The following CUX1 variants were observed in gnomAD, a reference collection of about 807,000 sequenced individuals.
CUX1 encodes the protein cut like homeobox 1.
In CUX1, 31 loss-of-function variants were observed where a neutral mutation model predicts 158.8. That is an observed-to-expected ratio of 0.20 (90% confidence interval 0.15 to 0.26). The LOEUF (loss-of-function observed/expected upper bound fraction) is 0.26, where lower values mean the gene tolerates loss of function less well. CUX1 is among the 10% of genes least tolerant of loss of function. The pLI is 1.00. For missense variants in CUX1, 1,589 were observed against 2,014.6 expected, an observed-to-expected ratio of 0.79 and a Z score of 4.04; for synonymous variants, 879 against 862.1, an observed-to-expected ratio of 1.02 and a Z score of -0.34.
intron 5 of CUX1, among the ~76,000 whole-genome samples, chr7:102,102,464 A>G (rs1829885313): frequency 6.9e-6 from 1 of 143,988 alleles, no homozygotes. Flanking sequence ...GCTTGTATGC[A>G]CTAAGCCGCG....
At chr7:102,027,787 A>G (rs1027161938) in intron 2 of CUX1, among the ~76,000 whole-genome samples, 1 of 152,216 alleles carries the variant, frequency 6.6e-6, no homozygotes, top group East Asian at 1.9e-4. Flanking sequence ...ACTCTAGCCC[A>G]GGAGGCAGAG....
intron 1 of CUX1, among the ~76,000 whole-genome samples, chr7:101,833,157 G>T (rs1794246977): frequency 6.6e-6 from 1 of 151,926 alleles, no homozygotes; most frequent in African/African-American, 2.4e-5. Context: ...CCAACACTTT[G>T]GGAGGCTGAG....
chr7:102,107,288 C>G (rs993866342), intron 6 of CUX1, among the ~76,000 whole-genome samples: 3 of 152,124 alleles, frequency 2.0e-5, no homozygotes, highest in African/African-American at 7.2e-5. Flanking sequence ...CCTGTAATCC[C>G]AGCACTTTGG....
chr7:102,165,793 C>T (rs2131633831), intron 9 of CUX1, among the ~76,000 whole-genome samples: 1 of 152,246 alleles, frequency 6.6e-6, no homozygotes, highest in East Asian at 1.9e-4. Context: ...GGCTCTCCTT[C>T]CCCAAATCAC....
intron 2 of CUX1, among the ~76,000 whole-genome samples, chr7:102,010,743 C>T (rs1039264651): frequency 2.0e-5 from 3 of 152,184 alleles, no homozygotes; most frequent in Admixed American, 1.3e-4. Flanking sequence ...TGCCGGCGGG[C>T]GTGAGGACCA....
chr7:102,068,334 C>G (rs1825774266), intron 3 of CUX1, among the ~76,000 whole-genome samples: 1 of 152,086 alleles, frequency 6.6e-6, no homozygotes, highest in African/African-American at 2.4e-5. Flanking sequence ...CCAGGCTGGT[C>G]TTGAACTCCC....
rs1801531332 is a variant in CUX1, at chr7:102,251,753, G to C, written c.*2711G>C. 1.0e-6 allele frequency: 1 copy of C among 985,248 alleles called. No individual in the cohort carries two copies. The highest frequency in any genetic ancestry group is 1.2e-6 in the Non-Finnish European group (1 of 829,928). 61.0% of individuals were successfully genotyped at this position (985,248 alleles called of 1,614,324 possible). ...AGGGACTTTTGTCATCATGTGTGAT[G>C]AATCTTTAAATATCGTCTAATTTTC... On this transcript the variant is annotated 3_prime_UTR_variant, in exon 24 of 24. Transcript: ENST00000292535.
At chr7:102,062,462 A>C (rs1824997994) in intron 3 of CUX1, among the ~76,000 whole-genome samples, 1 of 152,216 alleles carries the variant, frequency 6.6e-6, no homozygotes, top group Non-Finnish European at 1.5e-5. Flanking sequence ...TACTATCATA[A>C]GCGGATACTG....
chr7:101,952,053 G>A (rs1385766395), intron 2 of CUX1, among the ~76,000 whole-genome samples: 1 of 152,184 alleles, frequency 6.6e-6, no homozygotes, highest in African/African-American at 2.4e-5. Flanking sequence ...TCAAGGTGTG[G>A]CCCAGGCCAG....
At chr7:101,984,053 A>G (rs1813837945) in intron 2 of CUX1, among the ~76,000 whole-genome samples, 1 of 130,370 alleles carries the variant, frequency 7.7e-6, no homozygotes, top group Admixed American at 8.3e-5. Context: ...AGCCTGGGTG[A>G]CAGAGCAAGA....
intron 8 of CUX1, among the ~76,000 whole-genome samples, chr7:102,117,832 G>T (rs782215416): frequency 9.2e-5 from 14 of 152,218 alleles, no homozygotes; most frequent in African/African-American, 3.1e-4. Flanking sequence ...GGTTCCGAAC[G>T]ATTTGCCTGT....
At chr7:102,140,472 C>T (rs782162018) in intron 8 of CUX1, among the ~76,000 whole-genome samples, 15 of 151,412 alleles carry the variant, frequency 9.9e-5, no homozygotes, top group Non-Finnish European at 1.8e-4. Flanking sequence ...TCTCAAACTC[C>T]TGAACTCAGG....
At chr7:102,131,665 A>T (rs1015238264) in intron 8 of CUX1, among the ~76,000 whole-genome samples, 46 of 146,968 alleles carry the variant, frequency 3.1e-4, no homozygotes, top group Admixed American at 1.8e-3. Flanking sequence ...TTTATTTTTT[A>T]TTTTATTTAT....
chr7:102,174,847 G>A (rs913998681), intron 10 of CUX1, among the ~76,000 whole-genome samples: 1 of 152,224 alleles, frequency 6.6e-6, no homozygotes, highest in Admixed American at 6.5e-5. Flanking sequence ...CTACTCAGGA[G>A]GCTGAGACAG....
At chr7:101,821,829 C>G (rs1383189895) in intron 1 of CUX1, among the ~76,000 whole-genome samples, 1 of 146,216 alleles carries the variant, frequency 6.8e-6, no homozygotes, top group African/African-American at 2.5e-5. Context: ...CGCCCGCCAC[C>G]ATGCCTGGCT....
chr7:102,101,979 G>T (rs1199611624), intron 5 of CUX1, among the ~76,000 whole-genome samples: 1 of 152,000 alleles, frequency 6.6e-6, no homozygotes, highest in African/African-American at 2.4e-5. Flanking sequence ...TGACGTAGCA[G>T]AGCAGTTCAG....
intron 8 of CUX1, among the ~76,000 whole-genome samples, chr7:102,143,493 G>A (rs571622548): frequency 6.6e-6 from 1 of 152,102 alleles, no homozygotes; most frequent in African/African-American, 2.4e-5. Context: ...GGCTGGTCTC[G>A]AATTCCTGGG....
intron 15 of CUX1, chr7:102,274,160 G>T: frequency 7.3e-7 from 1 of 1,363,744 alleles, no homozygotes; most frequent in Non-Finnish European, 1.0e-6. Flanking sequence ...CACCCACCCT[G>T]CCATTTGCCT....
At chr7:102,121,476 A>G (rs988480367) in intron 8 of CUX1, among the ~76,000 whole-genome samples, 10 of 151,904 alleles carry the variant, frequency 6.6e-5, no homozygotes, top group Non-Finnish European at 2.9e-5. Context: ...CTCCCAAGTA[A>G]CTGGAATTGC....
Sources: gnomAD v4.1 joint callset for allele counts (sites outside exome capture counted in the v4.1 genomes callset) on GRCh38, gnomAD v4.1.1 for gene constraint, MANE v1.5 for transcripts, NCBI Gene and HGNC (gene_info 2026-07-23, HGNC 2026-07-21) for gene names.